The following KAT2B variants were observed in gnomAD, a reference collection of about 807,000 sequenced individuals.
The protein encoded by KAT2B is lysine acetyltransferase 2B, also known as histone acetyltransferase KAT2B.
A neutral mutation model predicts 105.9 loss-of-function variants in KAT2B; 36 were observed. The observed-to-expected ratio is 0.34, with a 90% CI of 0.26 to 0.45. KAT2B has a LOEUF of 0.45. KAT2B is among the 20% of genes least tolerant of loss of function. The pLI, the probability that KAT2B is intolerant of heterozygous loss-of-function variation, is 1.00. For missense variants in KAT2B, 820 were observed against 1,021.6 expected, an observed-to-expected ratio of 0.80 and a Z score of 2.69; for synonymous variants, 397 against 377.9, an observed-to-expected ratio of 1.05 and a Z score of -0.59.
rs1212799924 is a variant in KAT2B, at chr3:20,154,278, A to G, written c.*1753A>G. 6.6e-6 allele frequency: 1 copy of G among 152,646 alleles called. No homozygotes were observed. The highest frequency in any genetic ancestry group is 1.5e-5 in the Non-Finnish European group (1 of 68,038). The allele number at this position is 152,646 out of a possible 1,614,324, so 9.5% of individuals were successfully genotyped here. ...AATATTTTCTTATAGATATTGTGCA[A>G]TAAAGCTGAAGTAGAATGTGTGGTT... On this transcript the variant is annotated 3_prime_UTR_variant, in exon 18 of 18. Coordinates refer to ENST00000263754, the MANE Select transcript of KAT2B (RefSeq NM_003884.5).
At chr3:20,106,961 G>GTATA (rs60656536) in intron 5 of KAT2B, among the ~76,000 whole-genome samples, 4 of 69,968 alleles carry the variant, frequency 5.7e-5, no homozygotes, top group Non-Finnish European at 7.8e-5. Flanking sequence ...AATTTTATGT[G>GTATA]TATATATATA....
intron 6 of KAT2B, among the ~76,000 whole-genome samples, chr3:20,111,997 G>C (rs1699130161): frequency 6.6e-6 from 1 of 152,066 alleles, no homozygotes; most frequent in African/African-American, 2.4e-5. Flanking sequence ...TGCCGTCATT[G>C]CTCCCTTATC....
At chr3:20,046,453 G>A (rs761506826) in intron 1 of KAT2B, among the ~76,000 whole-genome samples, 9 of 152,258 alleles carry the variant, frequency 5.9e-5, no homozygotes, top group East Asian at 1.9e-4. Flanking sequence ...ATGATGGTGC[G>A]TGCCTGTAGT....
intron 17 of KAT2B, among the ~76,000 whole-genome samples, chr3:20,151,844 A>G (rs559600149): frequency 1.3e-5 from 2 of 152,322 alleles, no homozygotes; most frequent in South Asian, 4.1e-4. Context: ...GTGTGTTCAC[A>G]GATGTATTTA....
At chr3:20,043,287 T>C (rs1417526431) in intron 1 of KAT2B, among the ~76,000 whole-genome samples, 2 of 152,206 alleles carry the variant, frequency 1.3e-5, no homozygotes, top group Non-Finnish European at 2.9e-5. Context: ...GGCTAGGTGC[T>C]GGGCCTATGA....
intron 12 of KAT2B, among the ~76,000 whole-genome samples, chr3:20,138,554 A>T (rs2125190151): frequency 6.6e-6 from 1 of 152,246 alleles, no homozygotes; most frequent in African/African-American, 2.4e-5. Flanking sequence ...GCAGTGTATA[A>T]GGGGGTCAGG....
chr3:20,150,536 CAAGTT>C (rs1699853671), intron 17 of KAT2B, among the ~76,000 whole-genome samples: 2 of 152,124 alleles, frequency 1.3e-5, no homozygotes, highest in Non-Finnish European at 2.9e-5. Context: ...CCAGAATTCC[CAAGTT>C]AAGGGGAAAG....
intron 1 of KAT2B, among the ~76,000 whole-genome samples, chr3:20,070,122 G>A (rs1278210070): frequency 6.6e-6 from 1 of 152,064 alleles, no homozygotes; most frequent in African/African-American, 2.4e-5. Flanking sequence ...CTATGGGGAT[G>A]CTGATGTAGG....
chr3:20,072,721 G>A (rs375101044), intron 2 of KAT2B, among the ~76,000 whole-genome samples: 22 of 152,312 alleles, frequency 1.4e-4, no homozygotes, highest in African/African-American at 5.3e-4. Context: ...GATGAAACAT[G>A]ACAATCGAGC....
intron 7 of KAT2B, among the ~76,000 whole-genome samples, chr3:20,118,594 G>C (rs1330678689): frequency 6.7e-6 from 1 of 149,944 alleles, no homozygotes; most frequent in Non-Finnish European, 1.5e-5. Context: ...GTTGTGGCAG[G>C]CACCTGTAAT....
intron 2 of KAT2B, among the ~76,000 whole-genome samples, chr3:20,075,610 G>C (rs1440750395): frequency 6.6e-6 from 1 of 152,054 alleles, no homozygotes; most frequent in African/African-American, 2.4e-5. Context: ...TGCTAGGATG[G>C]CTTACAGAAC....
At chr3:20,105,594 G>C (rs9310606) in intron 5 of KAT2B, among the ~76,000 whole-genome samples, 93,828 of 151,774 alleles carry the variant, frequency 0.62, 29,704 homozygotes, top group African/African-American at 0.76. Context: ...CTGGGCAACA[G>C]AATGAGACTT....
intron 11 of KAT2B, among the ~76,000 whole-genome samples, chr3:20,132,090 T>C (rs1210218681): frequency 6.6e-6 from 1 of 152,074 alleles, no homozygotes; most frequent in Non-Finnish European, 1.5e-5. Context: ...TAAAAACAAT[T>C]TGGGCCAGGC....
Position 20,153,380 on chromosome 3 carries a change from C to T in KAT2B, c.*855C>T, listed in dbSNP as rs1699900146. On this transcript the variant is annotated 3_prime_UTR_variant, in exon 18 of 18. Coordinates refer to ENST00000263754, the MANE Select transcript of KAT2B (RefSeq NM_003884.5). ...GCTTTAATAGGAAAAGATGTATGGT[C>T]TATATATGTATCAATCTGGTGAATC... 6.6e-6 allele frequency: 1 copy of T among 152,206 alleles called. No homozygotes were observed. The allele number at this position is 152,206 out of a possible 1,614,324, so 9.4% of individuals were successfully genotyped here. A position where few individuals can be genotyped will look rare whatever the true frequency, so the allele number is the denominator to read the frequency against.
At chr3:20,073,902 T>G (rs1698372960) in intron 2 of KAT2B, among the ~76,000 whole-genome samples, 1 of 152,230 alleles carries the variant, frequency 6.6e-6, no homozygotes, top group Non-Finnish European at 1.5e-5. Flanking sequence ...CAATTAACAT[T>G]TAAAACAGGA....
intron 1 of KAT2B, among the ~76,000 whole-genome samples, chr3:20,043,708 T>C (rs930516779): frequency 4.8e-5 from 7 of 145,550 alleles, no homozygotes; most frequent in African/African-American, 1.8e-4. Context: ...AGAGTGACAT[T>C]ATCTCAGATT....
chr3:20,101,438 A>G lies in KAT2B; in HGVS notation c.821A>G (p.Asp274Gly). Residue 274 changes from aspartate (D) to glycine (G), a missense_variant, in exon 5 of 18, where the codon GAT becomes GGT. Coordinates refer to ENST00000263754, the MANE Select transcript of KAT2B (RefSeq NM_003884.5). ...SQRRLRSPNDDISGYKENYTR... is the reference protein window; with the variant it reads ...SQRRLRSPNDGISGYKENYTR... Reference sequence around the variant, plus strand: ...CGAAGACTGCGATCTCCCAATGATGATATTTCTGGATACAAAGAGAACTAC... The same window carrying G: ...CGAAGACTGCGATCTCCCAATGATGGTATTTCTGGATACAAAGAGAACTAC... 1 of 1,614,074 alleles carries G rather than the reference A, an allele frequency of 6.2e-7. No homozygotes were observed. Among genetic ancestry groups the G allele is most frequent in the Non-Finnish European group, 8.5e-7 (1 of 1,179,942 alleles).
chr3:20,066,550 C>T (rs998983820), intron 1 of KAT2B, among the ~76,000 whole-genome samples: 11 of 152,116 alleles, frequency 7.2e-5, no homozygotes, highest in African/African-American at 1.2e-4. Flanking sequence ...AGGCATGTGT[C>T]ACTATGCCTG....
chr3:20,046,359 A>G (rs1559509004), intron 1 of KAT2B, among the ~76,000 whole-genome samples: 1 of 152,188 alleles, frequency 6.6e-6, no homozygotes. Context: ...AGGCAGACGG[A>G]TCACTTGAGC....
Sources: gnomAD v4.1 joint callset for allele counts (sites outside exome capture counted in the v4.1 genomes callset) on GRCh38, gnomAD v4.1.1 for gene constraint, MANE v1.5 for transcripts, NCBI Gene and HGNC (gene_info 2026-07-23, HGNC 2026-07-21) for gene names.